The following SOX6 variants were observed in gnomAD, a reference collection of about 807,000 sequenced individuals.
The protein encoded by SOX6 is SRY-box transcription factor 6.
A neutral mutation model predicts 97.8 loss-of-function variants in SOX6; 11 were observed. That is an observed-to-expected ratio of 0.11 (90% CI 0.07 to 0.19). The LOEUF is 0.19. SOX6 is among the 10% of genes least tolerant of loss of function. SOX6 has a pLI of 1.00. For synonymous variants in SOX6, 360 were observed against 371.4 expected (o/e 0.97, Z 0.35); for missense variants, 810 against 1,039.5 (o/e 0.78, Z 3.04).
chr11:16,098,646 C>T (rs1848862608), intron 7 of SOX6, among the ~76,000 whole-genome samples: 1 of 151,826 alleles, frequency 6.6e-6, no homozygotes, highest in East Asian at 1.9e-4. Context: ...AATGGAGTAT[C>T]ACTTTGGCTT....
chr11:16,163,583 T>C (rs1443459287), intron 6 of SOX6, among the ~76,000 whole-genome samples: 2 of 152,168 alleles, frequency 1.3e-5, no homozygotes, highest in African/African-American at 4.8e-5. Context: ...AACAAACTCT[T>C]CCCACACATA....
At chr11:15,973,561 T>C (rs1853378953) in intron 15 of SOX6, among the ~76,000 whole-genome samples, 1 of 152,202 alleles carries the variant, frequency 6.6e-6, no homozygotes, top group South Asian at 2.1e-4. Flanking sequence ...TTGAGAAATG[T>C]ATAAATCAAG....
At chr11:16,570,124 C>T (rs890420228) in intron 4 of SOX6, among the ~76,000 whole-genome samples, 1 of 152,110 alleles carries the variant, frequency 6.6e-6, no homozygotes, top group Non-Finnish European at 1.5e-5. Flanking sequence ...CTAAAACCTA[C>T]TCTGATTCCT....
intron 2 of SOX6, among the ~76,000 whole-genome samples, chr11:16,319,303 T>C (rs1232576582): frequency 6.6e-6 from 1 of 152,186 alleles, no homozygotes; most frequent in Non-Finnish European, 1.5e-5. Context: ...CTCTTTCTAT[T>C]CCTTACCCTT....
intron 3 of SOX6, among the ~76,000 whole-genome samples, chr11:16,626,814 T>A (rs1431988460): frequency 3.3e-5 from 5 of 152,214 alleles, no homozygotes; most frequent in Non-Finnish European, 2.9e-5. Flanking sequence ...CAGTATTTTT[T>A]AAATTTATTT....
upstream of SOX6, among the ~76,000 whole-genome samples, chr11:16,361,155 C>T (rs1857202947): frequency 6.6e-6 from 1 of 152,102 alleles, no homozygotes; most frequent in African/African-American, 2.4e-5. Flanking sequence ...AGAGTAAACT[C>T]TGTAAAATCA....
chr11:16,549,629 A>ACACAAAGAC (rs1280706982), intron 4 of SOX6, among the ~76,000 whole-genome samples: 1 of 152,228 alleles, frequency 6.6e-6, no homozygotes, highest in Non-Finnish European at 1.5e-5. Context: ...ACATATGTCC[A>ACACAAAGAC]CACAAAGACC....
intron 4 of SOX6, among the ~76,000 whole-genome samples, chr11:16,188,400 A>G (rs1486162181): frequency 1.3e-5 from 2 of 152,136 alleles, no homozygotes; most frequent in African/African-American, 4.8e-5. Flanking sequence ...TACTCCTTCT[A>G]GATCCTGGAA....
At chr11:16,042,947 A>G (rs574700182) in intron 12 of SOX6, among the ~76,000 whole-genome samples, 2 of 152,290 alleles carry the variant, frequency 1.3e-5, no homozygotes, top group Admixed American at 6.5e-5. Flanking sequence ...ACACCTACGC[A>G]GGAAAGCATT....
chr11:16,116,276 A>G (rs534066598), intron 6 of SOX6, among the ~76,000 whole-genome samples: 1 of 152,268 alleles, frequency 6.6e-6, no homozygotes, highest in East Asian at 1.9e-4. Context: ...TGATTTACAT[A>G]CTCTATCTCA....
At chr11:16,626,120 C>T (rs151127152) in intron 3 of SOX6, among the ~76,000 whole-genome samples, 1 of 152,164 alleles carries the variant, frequency 6.6e-6, no homozygotes, top group East Asian at 1.9e-4. Flanking sequence ...GCTAGGACAC[C>T]CACTCAATGT....
chr11:16,521,793 T>A (rs941989214), intron 4 of SOX6, among the ~76,000 whole-genome samples: 2 of 152,124 alleles, frequency 1.3e-5, no homozygotes, highest in South Asian at 4.1e-4. Context: ...AAGGAGCTGA[T>A]GGAGCTGAAA....
At chr11:16,540,313 A>T (rs1252555736) in intron 4 of SOX6, among the ~76,000 whole-genome samples, 1 of 152,134 alleles carries the variant, frequency 6.6e-6, no homozygotes, top group Non-Finnish European at 1.5e-5. Flanking sequence ...TATTGATGGG[A>T]CATATTTCAA....
intron 6 of SOX6, among the ~76,000 whole-genome samples, chr11:16,164,544 C>T (rs561744200): frequency 6.6e-6 from 1 of 152,288 alleles, no homozygotes; most frequent in South Asian, 2.1e-4. Flanking sequence ...ATGGAGAGGG[C>T]CGGGCACAGT....
At chr11:16,230,585 G>C (rs1852819070) in intron 4 of SOX6, among the ~76,000 whole-genome samples, 2 of 151,640 alleles carry the variant, frequency 1.3e-5, no homozygotes, top group Admixed American at 1.3e-4. Context: ...TAAAATAACT[G>C]AATAAATGAC....
intron 4 of SOX6, among the ~76,000 whole-genome samples, chr11:16,511,978 G>A (rs569419545): frequency 6.1e-4 from 93 of 152,244 alleles, no homozygotes; most frequent in African/African-American, 2.0e-3. Flanking sequence ...AGCATGGCAA[G>A]ACATAACTAA....
At chr11:16,329,873 T>C (rs186648864) in intron 2 of SOX6, among the ~76,000 whole-genome samples, 7 of 152,280 alleles carry the variant, frequency 4.6e-5, no homozygotes, top group African/African-American at 1.7e-4. Flanking sequence ...TTTACAGAAA[T>C]ATGAAACACG....
chr11:16,738,258 C>G (rs1848409562), intron 1 of SOX6: 1 of 154,254 alleles, frequency 6.5e-6, no homozygotes. Context: ...GGTTTTTGTC[C>G]TGGGTGGAGG....
chr11:16,303,666 G>C (rs944688441), intron 3 of SOX6, among the ~76,000 whole-genome samples: 3 of 152,106 alleles, frequency 2.0e-5, no homozygotes, highest in African/African-American at 7.2e-5. Flanking sequence ...AAGTCTTGCT[G>C]GGATTTTGAA....
Sources: gnomAD v4.1 joint callset for allele counts (sites outside exome capture counted in the v4.1 genomes callset) on GRCh38, gnomAD v4.1.1 for gene constraint, MANE v1.5 for transcripts, NCBI Gene and HGNC (gene_info 2026-07-23, HGNC 2026-07-21) for gene names.